The following GDPD3 variants were observed in gnomAD, a reference collection of about 807,000 sequenced individuals.
The protein encoded by GDPD3 is lysophospholipase D GDPD3.
GDPD3 carries 40 observed loss-of-function variants against 43.7 expected under a neutral mutation model. The observed-to-expected ratio is 0.91, with a 90% CI of 0.71 to 1.19. The LOEUF is 1.19. GDPD3 is among the 50% of genes most tolerant of loss of function. The pLI, the probability that GDPD3 is intolerant of heterozygous loss-of-function variation, is 0.00. For missense variants in GDPD3, 363 were observed against 415.8 expected, an observed-to-expected ratio of 0.87 and a Z score of 1.11; for synonymous variants, 145 against 162.9, an observed-to-expected ratio of 0.89 and a Z score of 0.84.
Position 30,112,759 on chromosome 16 carries a change from C to T in GDPD3, c.217G>A (p.Asp73Asn). 1 of 1,611,822 alleles carries T rather than the reference C, an allele frequency of 6.2e-7. No homozygotes were observed. Residue 73 changes from aspartate to asparagine, a missense_variant, in exon 3 of 10, where the codon GAC becomes AAC. Physicochemically the swap from Asp to Asn is conservative, Grantham distance 23. Coordinates refer to ENST00000406256, the MANE Select transcript of GDPD3 (RefSeq NM_024307.3). The surrounding 1 kb of genome is among the most constrained non-coding windows in gnomAD (Gnocchi z 5.4). ...ACTCTGTCCCGTGTCAGCTGACAGT[C>T]GAGCTCCAGGAGGTCCGAGCGCTGG... ...MAQRSDLLEL[D>N]CQLTRDRVVV...
rs1216700413 is a variant in GDPD3, at chr16:30,112,578, A to C, written c.319-10T>G. 7 of 1,614,098 alleles carry C rather than the reference A, an allele frequency of 4.3e-6. No homozygotes were observed. Among genetic ancestry groups the C allele is most frequent in the Non-Finnish European group, 5.9e-6 (7 of 1,179,992 alleles). On this transcript the variant is annotated splice_polypyrimidine_tract_variant and intron_variant, in intron 3 of 9. Coordinates refer to ENST00000406256, the MANE Select transcript of GDPD3 (RefSeq NM_024307.3). The surrounding 1 kb of genome is among the most constrained non-coding windows in gnomAD (Gnocchi z 5.4). ...TGTAGAGGGGCAGGTCCTGGGGAGG[A>C]CAGGAAGGATGTCACTAGAGGCCCG...
intron 7 of GDPD3, among the ~76,000 whole-genome samples, chr16:30,109,514 C>A (rs1022912358): frequency 6.7e-5 from 10 of 149,618 alleles, no homozygotes; most frequent in Non-Finnish European, 1.5e-4. Context: ...TTCTCAAAAA[C>A]AAAAAACAAT....
At chr16:30,105,121 T>C (rs572290430) in intron 9 of GDPD3, 112 bp from the exon 10 acceptor site, 1 of 881,514 alleles carries the variant, frequency 1.1e-6, no homozygotes, top group East Asian at 2.7e-5. Flanking sequence ...TGGAGCTGAT[T>C]GTTAAATTCT....
At chr16:30,105,679 G>A (rs912755786) in intron 9 of GDPD3, among the ~76,000 whole-genome samples, 4 of 149,744 alleles carry the variant, frequency 2.7e-5, no homozygotes, top group Non-Finnish European at 6.0e-5. Flanking sequence ...TAATTTTTCT[G>A]TTTTTAGTAG....
intron 7 of GDPD3, among the ~76,000 whole-genome samples, chr16:30,109,002 T>G (rs1234523681): frequency 6.6e-6 from 1 of 151,938 alleles, no homozygotes; most frequent in Non-Finnish European, 1.5e-5. Context: ...TGCTAATTTT[T>G]TGTATTTTTA....
At chr16:30,110,320 A>G (rs929969955) in intron 7 of GDPD3, among the ~76,000 whole-genome samples, 22 of 151,848 alleles carry the variant, frequency 1.4e-4, no homozygotes, top group Non-Finnish European at 2.6e-4. Context: ...AGTCCCAGCT[A>G]CTCGGGAGGC....
Position 30,112,160 on chromosome 16 carries a change from C to G in GDPD3, c.545G>C (p.Ser182Thr). Residue 182 changes from serine (S) to threonine (T), a missense_variant, in exon 6 of 10, where the codon AGC (serine) becomes ACC (threonine). By Grantham distance (58) the Ser-to-Thr change is moderately conservative (BLOSUM62 1). Transcript: ENST00000406256. The surrounding 1 kb of genome is among the most constrained non-coding windows in gnomAD (Gnocchi z 5.4). ...AGCCTTGCATTTCTTCATGACCGAG[C>G]TCTTCTCCGAGGCCCAGATGGTGAT... ...NEITIWASEKSSVMKKCKAAN... is the reference protein window; with the variant it reads ...NEITIWASEKTSVMKKCKAAN... 1.9e-6 allele frequency: 3 copies of G among 1,614,052 alleles called. No homozygotes were observed. Among genetic ancestry groups the G allele is most frequent in the Non-Finnish European group, 1.7e-6 (2 of 1,179,980 alleles).
At position 30,112,847 on chromosome 16, in the gene GDPD3, A is replaced by G; in HGVS notation, c.183-54T>C. The G allele has an allele frequency of 6.3e-7, 1 of 1,585,306 alleles. No individual in the cohort carries two copies. The highest frequency in any genetic ancestry group is 8.6e-7 in the Non-Finnish European group (1 of 1,162,836). ...GGGGCAGGGGACTGGGATGAGGGGC[A>G]TGGTGGCTGGGAGGTGGCCGGGAAT... On this transcript the variant is annotated intron_variant, in intron 2 of 9. Transcript: ENST00000406256. The surrounding 1 kb of genome is among the most constrained non-coding windows in gnomAD (Gnocchi z 5.4).
chr16:30,113,216 C>T lies in GDPD3; in HGVS notation c.139+124G>A. 1.4e-6 allele frequency: 2 copies of T among 1,412,566 alleles called. No individual in the cohort carries two copies. Among genetic ancestry groups the T allele is most frequent in the Non-Finnish European group, 1.9e-6 (2 of 1,034,414 alleles). The allele number at this position is 1,412,566 out of a possible 1,614,324, so 87.5% of individuals were successfully genotyped here. On this transcript the variant is annotated intron_variant, in intron 1 of 9. Transcript: ENST00000406256. This position sits in a 1 kb window ranked among gnomAD's most constrained non-coding sequence, Gnocchi z 5.9. ...GCGCCAGCATCTTCTTCCTCGTCCA[C>T]ACCCTGCCCTGCCACTTCGCTCTCC...
At chr16:30,111,921 A>T (rs1167268400) in intron 6 of GDPD3, 1 of 592,424 alleles carries the variant, frequency 1.7e-6, no homozygotes, top group Non-Finnish European at 3.0e-6. Context: ...CGACAGAGAG[A>T]GACTGTGTTT....
rs531687051 is a variant in GDPD3, at chr16:30,111,496, G to T, written c.599C>A (p.Thr200Lys). 6.2e-7 allele frequency: 1 copy of T among 1,614,034 alleles called. No homozygotes were observed. Among genetic ancestry groups the T allele is most frequent in the South Asian group, 1.1e-5 (1 of 91,084 alleles). The change falls in exon 7 of 10, where the codon ACA (threonine) becomes AAA (lysine). Residue 200 changes from threonine to lysine, a missense_variant. Thr to Lys is a moderately conservative substitution (Grantham distance 78). Transcript: ENST00000406256. ...CAGCACCCAGAATCCTCGGCTTATT[G>T]TGAAGGACAGGGGCATCTCGGGGTT... ...AANPEMPLSFTISRGFWVLLS... is the reference protein window; with the variant it reads ...AANPEMPLSFKISRGFWVLLS...
rs1567350473 is a variant in GDPD3, at chr16:30,108,412, C to T, written c.728G>A (p.Cys243Tyr). The change falls in exon 8 of 10, where the codon TGC becomes TAC. Residue 243 changes from cysteine to tyrosine, a missense_variant. Cys to Tyr is a radical substitution (Grantham distance 194). Coordinates refer to ENST00000406256, the MANE Select transcript of GDPD3 (RefSeq NM_024307.3). ...AGCCAATAACTGGTTCAGGCAAGAG[C>T]AGGAAAATGGGAAATAGGTCCTGCA... is the stretch of plus-strand genomic sequence containing the variant. ...IINRTYFPFS[C>Y]SCLNQLLAVV... 15 of 1,614,078 alleles carry T rather than the reference C, an allele frequency of 9.3e-6. No homozygotes were observed. The highest frequency in any genetic ancestry group is 1.0e-5 in the Non-Finnish European group (12 of 1,180,006).
At chr16:30,109,088 C>T (rs2072882016) in intron 7 of GDPD3, among the ~76,000 whole-genome samples, 1 of 152,022 alleles carries the variant, frequency 6.6e-6, no homozygotes, top group African/African-American at 2.4e-5. Context: ...CCTTGGCCTC[C>T]CAAAGTGCTG....
chr16:30,107,931 A>T, intron 9 of GDPD3: 1 of 215,488 alleles, frequency 4.6e-6, no homozygotes, highest in Non-Finnish European at 9.2e-6. Flanking sequence ...TGGAGGTTGC[A>T]GTGAGCCGAG....
intron 9 of GDPD3, among the ~76,000 whole-genome samples, chr16:30,106,858 G>T (rs137881205): frequency 2.0e-5 from 3 of 151,952 alleles, no homozygotes; most frequent in African/African-American, 7.3e-5. Flanking sequence ...ACAGGCATGC[G>T]CCACCATACC....
chr16:30,111,605 G>T (rs1182804522), intron 6 of GDPD3, 84 bp from the exon 7 acceptor site: 74 of 1,451,780 alleles, frequency 5.1e-5, no homozygotes, highest in Non-Finnish European at 6.0e-5. Context: ...GCCGTGGTGG[G>T]CATTCCAGAG....
chr16:30,109,994 T>G (rs1166055716), intron 7 of GDPD3, among the ~76,000 whole-genome samples: 4 of 151,988 alleles, frequency 2.6e-5, no homozygotes, highest in African/African-American at 9.7e-5. Flanking sequence ...AAACCTAAGC[T>G]CTGGATTTCC....
In GDPD3 at chr16:30,112,268, G is replaced by A. The variant is rs533525992; in HGVS notation, c.483+38C>T. The stretch of plus-strand genomic sequence containing the variant: ...GAAGGGAGAGCCAGGCCTCTCTCAC[G>A]CCCCCGGTGGCCGCCCTAGCCCTGC... On this transcript the variant is annotated intron_variant, in intron 5 of 9. Coordinates refer to ENST00000406256, the MANE Select transcript of GDPD3 (RefSeq NM_024307.3). This position sits in a 1 kb window ranked among gnomAD's most constrained non-coding sequence, Gnocchi z 5.4. 3.7e-6 allele frequency: 6 copies of A among 1,611,922 alleles called. No homozygotes were observed. The highest frequency in any genetic ancestry group is 2.2e-5 in the East Asian group (1 of 44,872).
chr16:30,104,824 A>G lies in GDPD3; in HGVS notation c.*48T>C, dbSNP rs1056442943. ...GCACAACGATGTGATCGAAAGGCAA[A>G]TATTTATTTTTCAGGAAGAGAAACA... On this transcript the variant is annotated 3_prime_UTR_variant, in exon 10 of 10. Transcript: ENST00000406256. 1 of 1,596,678 alleles carries G rather than the reference A, an allele frequency of 6.3e-7. No homozygotes were observed. The highest frequency in any genetic ancestry group is 1.3e-5 in the African/African-American group (1 of 74,450).
Sources: allele counts gnomAD v4.1 joint callset (sites outside exome capture counted in the v4.1 genomes callset), GRCh38; gene constraint gnomAD v4.1.1; non-coding constraint Gnocchi (gnomAD v3.1); transcripts MANE v1.5; gene names NCBI Gene and HGNC (gene_info 2026-07-23, HGNC 2026-07-21).